FAT3: variants seen among roughly 807,000 people sequenced by gnomAD.
The protein encoded by FAT3 is FAT atypical cadherin 3.
Under a neutral mutation model 310.2 loss-of-function variants are expected in FAT3, and 95 were observed. The ratio of observed to expected loss-of-function variants is 0.31; its 90% CI spans 0.26 to 0.36. FAT3 has a LOEUF of 0.36. Ranked by LOEUF, FAT3 falls within the 10% of genes least tolerant of loss-of-function variation. The pLI, the probability that FAT3 is intolerant of heterozygous loss-of-function variation, is 1.00. For synonymous variants in FAT3, 2,314 were observed against 2,192.9 expected (o/e 1.06, Z -1.54); for missense variants, 5,408 against 5,715.6 (o/e 0.95, Z 1.74).
In FAT3 at chr11:92,831,837, C is replaced by A. The variant is rs752644378; in HGVS notation, c.9697C>A (p.Pro3233Thr). Residue 3233 changes from proline (P) to threonine (T), a missense_variant, in exon 14 of 28, where the codon CCC (proline) becomes ACC (threonine). Around this residue, in one of 5 missense-constraint regions of FAT3, gnomAD observed 4,588 missense variants for 4,809.8 expected, o/e 0.95. Transcript: ENST00000525166. ...CACCGTTCTGGACATTAATGACAAC[C>A]CCCCTGTGTTTGAGAGGAGGGACTA... is the stretch of plus-strand genomic sequence containing the variant. Reference protein sequence around the residue: ...TITVLDINDNPPVFERRDYLV... With the variant: ...TITVLDINDNTPVFERRDYLV... 2 of 1,613,710 alleles carry A rather than the reference C, an allele frequency of 1.2e-6. No individual in the cohort carries two copies. The highest frequency in any genetic ancestry group is 2.2e-5 in the South Asian group (2 of 90,984).
intron 3 of FAT3, among the ~76,000 whole-genome samples, chr11:92,688,966 G>A (rs1435818228): frequency 6.6e-6 from 1 of 152,118 alleles, no homozygotes; most frequent in Non-Finnish European, 1.5e-5. Flanking sequence ...AGGTGGGAAG[G>A]AAGCAAAGTT....
intron 1 of FAT3, among the ~76,000 whole-genome samples, chr11:92,264,200 A>G (rs1304212522): frequency 1.3e-5 from 2 of 152,100 alleles, no homozygotes; most frequent in Non-Finnish European, 2.9e-5. Context: ...AGAGTAATAT[A>G]ACATTTTCCT....
At chr11:92,829,997 A>G (rs1591789319) in intron 13 of FAT3, among the ~76,000 whole-genome samples, 1 of 151,978 alleles carries the variant, frequency 6.6e-6, no homozygotes, top group African/African-American at 2.4e-5. Flanking sequence ...TGTTATAATA[A>G]GAAAAAAAAA....
intron 2 of FAT3, among the ~76,000 whole-genome samples, chr11:92,512,244 C>G (rs953185931): frequency 6.6e-6 from 1 of 151,760 alleles, no homozygotes; most frequent in African/African-American, 2.4e-5. Context: ...TGCCAAAAGA[C>G]AAAATCACAA....
rs574317980 is a variant in FAT3 at position 92,688,999 on chromosome 11, C to T, written c.3608-8385C>T. On this transcript the variant is annotated intron_variant, in intron 3 of 27. Coordinates refer to ENST00000525166, the MANE Select transcript of FAT3 (RefSeq NM_001367949.2). ...GTTAAACCATTGAACACATATGATACTCCACACACTGTTCTTAGAGCTGAT... is the reference window on the plus strand; with the variant it reads ...GTTAAACCATTGAACACATATGATATTCCACACACTGTTCTTAGAGCTGAT... Among the ~76,000 whole-genome samples, 445 of 152,242 alleles carry T rather than the reference C, an allele frequency of 2.9e-3. 2 individuals carry two copies. The highest frequency in any genetic ancestry group is 9.9e-3 in the African/African-American group (412 of 41,530).
At chr11:92,871,290 T>C (rs1255039500) in intron 22 of FAT3, among the ~76,000 whole-genome samples, 8 of 152,218 alleles carry the variant, frequency 5.3e-5, no homozygotes, top group Non-Finnish European at 1.2e-4. Context: ...CCCAGGTTTG[T>C]AGACCCCTTC....
At chr11:92,719,560 T>C (rs1478011008) in intron 4 of FAT3, among the ~76,000 whole-genome samples, 6 of 149,220 alleles carry the variant, frequency 4.0e-5, no homozygotes, top group Non-Finnish European at 9.0e-5. Flanking sequence ...GTAAATACCA[T>C]GTAAATAGTT....
At chr11:92,771,629 C>T (rs1191295853) in intron 6 of FAT3, among the ~76,000 whole-genome samples, 1 of 152,054 alleles carries the variant, frequency 6.6e-6, no homozygotes, top group Non-Finnish European at 1.5e-5. Context: ...CCTTCAAATG[C>T]TCTTGGCTCT....
intron 3 of FAT3, among the ~76,000 whole-genome samples, chr11:92,676,687 T>A (rs1943299353): frequency 6.6e-6 from 1 of 152,214 alleles, no homozygotes; most frequent in Non-Finnish European, 1.5e-5. Flanking sequence ...AGTGAGATTG[T>A]TCAATTACGG....
At chr11:92,356,843 C>T (rs955600692) in intron 2 of FAT3, among the ~76,000 whole-genome samples, 2 of 151,996 alleles carry the variant, frequency 1.3e-5, no homozygotes, top group African/African-American at 2.4e-5. Context: ...ATCCACAATA[C>T]CAGAAAAAAT....
chr11:92,790,309 T>A (rs549589887), intron 8 of FAT3, 91 bp downstream of exon 8: 685 of 1,336,700 alleles, frequency 5.1e-4, no homozygotes, highest in Non-Finnish European at 5.0e-4. Context: ...GCCCCTAAAT[T>A]TTATAAGTAG....
intron 3 of FAT3, among the ~76,000 whole-genome samples, chr11:92,584,051 A>C (rs1047341704): frequency 6.6e-6 from 1 of 152,012 alleles, no homozygotes; most frequent in Non-Finnish European, 1.5e-5. Flanking sequence ...TCATAAACTC[A>C]ACTCTTCTTT....
chr11:92,366,232 G>A (rs1949018192), intron 2 of FAT3, among the ~76,000 whole-genome samples: 1 of 152,142 alleles, frequency 6.6e-6, no homozygotes, highest in African/African-American at 2.4e-5. Flanking sequence ...ACTACCTTTC[G>A]ACTCTCTTGG....
chr11:92,479,058 G>A (rs1952142749), intron 2 of FAT3, among the ~76,000 whole-genome samples: 1 of 150,154 alleles, frequency 6.7e-6, no homozygotes, highest in South Asian at 2.1e-4. Context: ...CTGGAGTGCA[G>A]CGGGGTTATC....
chr11:92,383,623 A>G (rs1159066183), intron 2 of FAT3, among the ~76,000 whole-genome samples: 1 of 152,250 alleles, frequency 6.6e-6, no homozygotes, highest in Non-Finnish European at 1.5e-5. Context: ...CTTCTCTCCA[A>G]GTTGACACTC....
chr11:92,242,396 T>C (rs1429932099), intron 1 of FAT3, among the ~76,000 whole-genome samples: 1 of 151,950 alleles, frequency 6.6e-6, no homozygotes, highest in Non-Finnish European at 1.5e-5. Flanking sequence ...GTGGTTAAAA[T>C]AGGGGAAAAA....
chr11:92,820,605 A>G (rs777902930), intron 13 of FAT3, among the ~76,000 whole-genome samples: 10 of 151,956 alleles, frequency 6.6e-5, no homozygotes, highest in Non-Finnish European at 1.3e-4. Context: ...TCTATCAACA[A>G]CTGCTCTTGA....
At chr11:92,597,256 G>T (rs1939759034) in intron 3 of FAT3, among the ~76,000 whole-genome samples, 1 of 152,132 alleles carries the variant, frequency 6.6e-6, no homozygotes, top group Non-Finnish European at 1.5e-5. Flanking sequence ...CTCCTACCTT[G>T]TTTTTTGGCC....
intron 1 of FAT3, among the ~76,000 whole-genome samples, chr11:92,340,728 C>A (rs1471703077): frequency 1.2e-4 from 18 of 152,142 alleles, no homozygotes; most frequent in Non-Finnish European, 1.2e-4. Flanking sequence ...TGTGGGTAGT[C>A]CCATGTGGTG....
Sources: allele counts gnomAD v4.1 joint callset (sites outside exome capture counted in the v4.1 genomes callset), GRCh38; gene constraint gnomAD v4.1.1; regional missense constraint gnomAD v4.1.1; transcripts MANE v1.5; gene names NCBI Gene and HGNC (gene_info 2026-07-23, HGNC 2026-07-21).